The following PPP2R3A variants were observed in gnomAD, a reference collection of about 807,000 sequenced individuals.
The protein encoded by PPP2R3A is serine/threonine-protein phosphatase 2A regulatory subunit B'' subunit alpha.
A neutral mutation model predicts 106.9 loss-of-function variants in PPP2R3A; 80 were observed. The ratio of observed to expected loss-of-function variants is 0.75; its 90% CI spans 0.62 to 0.90. PPP2R3A has a LOEUF of 0.90. Among genes scored for constraint, PPP2R3A ranks in the 40% least tolerant of loss-of-function variants. The pLI, the probability that PPP2R3A is intolerant of heterozygous loss-of-function variation, is 0.00. For synonymous variants in PPP2R3A, 483 were observed against 468.3 expected, an observed-to-expected ratio of 1.03 and a Z score of -0.41; for missense variants, 1,386 against 1,350.4, an observed-to-expected ratio of 1.03 and a Z score of -0.41.
chr3:136,003,434 G>A lies in PPP2R3A; in HGVS notation c.1936G>A (p.Asp646Asn), dbSNP rs1933726385. The A allele has an allele frequency of 6.2e-7, 1 of 1,613,772 alleles. No individual in the cohort carries two copies. Among genetic ancestry groups the A allele is most frequent in the Non-Finnish European group, 8.5e-7 (1 of 1,179,848 alleles). ...ATCAGTCTGTAGAAGTCCTGTTGGT[G>A]ATAAAGCCAAAGATACTACTTCAGC... Reference protein sequence around the residue: ...NLSVCRSPVGDKAKDTTSAVL... With the variant: ...NLSVCRSPVGNKAKDTTSAVL... Residue 646 changes from aspartate (D) to asparagine (N), a missense_variant, in exon 2 of 14, where the codon GAT becomes AAT. Transcript: ENST00000264977.
intron 1 of PPP2R3A, among the ~76,000 whole-genome samples, chr3:135,973,167 C>T (rs1937294083): frequency 6.6e-6 from 1 of 152,114 alleles, no homozygotes; most frequent in African/African-American, 2.4e-5. Context: ...CCAGTTATCC[C>T]AGCATAATTT....
intron 1 of PPP2R3A, among the ~76,000 whole-genome samples, chr3:135,967,347 C>T (rs1937117900): frequency 6.6e-6 from 1 of 152,156 alleles, no homozygotes; most frequent in Non-Finnish European, 1.5e-5. Context: ...CACTGACAAC[C>T]TGAACATTGA....
rs1256895374 is a variant in PPP2R3A at position 136,145,691 on chromosome 3, G to A, written c.*525G>A. Reference sequence around the variant, plus strand: ...TCTTTTATGTATACTGGAGTTCAAAGATCTTTAACTTACCTGGCTTAATGT... The same window carrying A: ...TCTTTTATGTATACTGGAGTTCAAAAATCTTTAACTTACCTGGCTTAATGT... On this transcript the variant is annotated 3_prime_UTR_variant, in exon 14 of 14. Coordinates refer to ENST00000264977, the MANE Select transcript of PPP2R3A (RefSeq NM_002718.5). The A allele has an allele frequency of 2.0e-5, 3 of 152,590 alleles. No homozygotes were observed. Among genetic ancestry groups the A allele is most frequent in the Non-Finnish European group, 4.4e-5 (3 of 68,054 alleles). 9.5% of individuals were successfully genotyped at this position (152,590 alleles called of 1,614,324 possible).
intron 1 of PPP2R3A, among the ~76,000 whole-genome samples, 161 bp downstream of exon 1, chr3:135,966,010 T>C (rs1333792142): frequency 6.6e-6 from 1 of 151,532 alleles, no homozygotes; most frequent in Non-Finnish European, 1.5e-5. Flanking sequence ...ACGGAGCTGA[T>C]TGGGCTGTGG....
At position 136,145,344 on chromosome 3, in the gene PPP2R3A, C is replaced by T; in HGVS notation, c.*178C>T. 1.3e-6 allele frequency: 1 copy of T among 751,336 alleles called. No individual in the cohort carries two copies. Among genetic ancestry groups the T allele is most frequent in the Non-Finnish European group, 1.9e-6 (1 of 524,520 alleles). The allele number at this position is 751,336 out of a possible 1,614,324, so 46.5% of individuals were successfully genotyped here. On this transcript the variant is annotated 3_prime_UTR_variant, in exon 14 of 14. Transcript: ENST00000264977. ...GGATACACATTTAACTTAGGAGGCT[C>T]CTCCAATTTGCCTCAAACCTCTTAC...
At chr3:136,045,309 G>A (rs1307849847) in intron 4 of PPP2R3A, among the ~76,000 whole-genome samples, 1 of 152,228 alleles carries the variant, frequency 6.6e-6, no homozygotes, top group Non-Finnish European at 1.5e-5. Flanking sequence ...CAGGGAGCCA[G>A]AGAACTAAGC....
At chr3:136,144,394 C>G (rs1269117165) in intron 13 of PPP2R3A, among the ~76,000 whole-genome samples, 1 of 152,052 alleles carries the variant, frequency 6.6e-6, no homozygotes, top group African/African-American at 2.4e-5. Flanking sequence ...CGACCAGTGG[C>G]TCAAGCCTGT....
Position 136,146,315 on chromosome 3 carries a change from T to C in PPP2R3A, c.*1149T>C, listed in dbSNP as rs1939123564. On this transcript the variant is annotated 3_prime_UTR_variant, in exon 14 of 14. Coordinates refer to ENST00000264977, the MANE Select transcript of PPP2R3A (RefSeq NM_002718.5). Reference sequence around the variant, plus strand: ...GAAACTATTAAAAAGGATAGACATTTCTGATGTAAGTAAAACCCCCAAGCA... The same window carrying C: ...GAAACTATTAAAAAGGATAGACATTCCTGATGTAAGTAAAACCCCCAAGCA... The C allele has an allele frequency of 6.6e-6, 1 of 152,234 alleles. No homozygotes were observed. The highest frequency in any genetic ancestry group is 1.5e-5 in the Non-Finnish European group (1 of 68,046). 9.4% of individuals were successfully genotyped at this position (152,234 alleles called of 1,614,324 possible). A position where few individuals can be genotyped will look rare whatever the true frequency, so the allele number is the denominator to read the frequency against.
chr3:136,049,542 G>T, intron 5 of PPP2R3A, among the ~76,000 whole-genome samples, 181 bp downstream of exon 5: 1 of 152,140 alleles, frequency 6.6e-6, no homozygotes, highest in South Asian at 2.1e-4. Flanking sequence ...CTCGTTAAAT[G>T]AAATCTCGTT....
At chr3:136,130,117 G>T (rs1938347840) in intron 13 of PPP2R3A, among the ~76,000 whole-genome samples, 1 of 152,162 alleles carries the variant, frequency 6.6e-6, no homozygotes, top group Non-Finnish European at 1.5e-5. Flanking sequence ...AGACAAGGAT[G>T]CCCTCTCTAA....
At chr3:135,989,627 C>T (rs1933072162) in intron 1 of PPP2R3A, among the ~76,000 whole-genome samples, 1 of 151,998 alleles carries the variant, frequency 6.6e-6, no homozygotes, top group Non-Finnish European at 1.5e-5. Flanking sequence ...TTCTTTCTGC[C>T]TTTAAAATAG....
At chr3:135,972,124 C>A (rs546202571) in intron 1 of PPP2R3A, among the ~76,000 whole-genome samples, 15 of 152,148 alleles carry the variant, frequency 9.9e-5, no homozygotes, top group African/African-American at 3.6e-4. Context: ...AGCAGTCACT[C>A]GCCATTCCCC....
At chr3:136,144,997 C>T in intron 13 of PPP2R3A, 46 bp from the exon 14 acceptor site, 8 of 1,586,354 alleles carry the variant, frequency 5.0e-6, no homozygotes, top group Non-Finnish European at 6.9e-6. Context: ...TCTACCCAAA[C>T]TTTAATCAAT....
chr3:136,002,873 A>T lies in PPP2R3A; in HGVS notation c.1375A>T (p.Lys459Ter). Residue 459 changes from lysine to a stop codon, truncating the protein, a stop_gained, in exon 2 of 14, where the codon AAA becomes TAA. Transcript: ENST00000264977. LOFTEE classifies it high-confidence loss of function. Reference sequence around the variant, plus strand: ...ATTTCCAGAACATGCTACTCATCTTAAAAAATGCCCCACCCCAATGCAAAA... The same window carrying T: ...ATTTCCAGAACATGCTACTCATCTTTAAAAATGCCCCACCCCAATGCAAAA... ...AEFPEHATHL[K>*]KCPTPMQNEI... 1.2e-6 allele frequency: 2 copies of T among 1,613,720 alleles called. No homozygotes were observed. The highest frequency in any genetic ancestry group is 8.5e-7 in the Non-Finnish European group (1 of 1,179,838).
intron 13 of PPP2R3A, among the ~76,000 whole-genome samples, chr3:136,144,487 C>A (rs1024622507): frequency 6.6e-6 from 1 of 151,990 alleles, no homozygotes; most frequent in African/African-American, 2.4e-5. Flanking sequence ...ATGGTGAAAC[C>A]CCATCTCTAC....
At chr3:136,104,298 TTGTGTGTG>T (rs55839641) in intron 12 of PPP2R3A, among the ~76,000 whole-genome samples, 9 of 148,692 alleles carry the variant, frequency 6.1e-5, no homozygotes, top group South Asian at 4.3e-4. Flanking sequence ...GTTTCTTTCT[TTGTGTGTG>T]TGTGTGTGTG....
chr3:136,049,458 G>C, intron 5 of PPP2R3A, 97 bp downstream of exon 5: 1 of 788,592 alleles, frequency 1.3e-6, no homozygotes. Context: ...GAGCTACACA[G>C]ATCTAGATAT....
chr3:136,071,788 A>G (rs1242962563), intron 6 of PPP2R3A, among the ~76,000 whole-genome samples: 1 of 151,378 alleles, frequency 6.6e-6, no homozygotes, highest in Non-Finnish European at 1.5e-5. Flanking sequence ...CTTATCTCCT[A>G]CCTCCCACTC....
chr3:135,979,407 G>A (rs1937509279), intron 1 of PPP2R3A, among the ~76,000 whole-genome samples: 1 of 151,710 alleles, frequency 6.6e-6, no homozygotes, highest in Non-Finnish European at 1.5e-5. Context: ...CAAATAAAAG[G>A]TTGAGAAACA....
Sources: gnomAD v4.1 joint callset for allele counts (sites outside exome capture counted in the v4.1 genomes callset) on GRCh38, gnomAD v4.1.1 for gene constraint, MANE v1.5 for transcripts, NCBI Gene and HGNC (gene_info 2026-07-23, HGNC 2026-07-21) for gene names.